ZNF407: variants seen among roughly 807,000 people sequenced by gnomAD.
The protein encoded by ZNF407 is zinc finger protein 407.
Under a neutral mutation model 131.2 loss-of-function variants are expected in ZNF407, and 17 were observed. The observed-to-expected ratio is 0.13, with a 90% CI of 0.09 to 0.19. ZNF407 has a LOEUF of 0.19. Ranked by LOEUF, ZNF407 falls within the 10% of genes least tolerant of loss-of-function variation. The pLI is 1.00. For synonymous variants in ZNF407, 1,156 were observed against 1,062.0 expected (o/e 1.09, Z -1.72); for missense variants, 2,681 against 2,830.6 (o/e 0.95, Z 1.20).
At chr18:74,969,549 C>T (rs766885245) in intron 8 of ZNF407, among the ~76,000 whole-genome samples, 20 of 152,162 alleles carry the variant, frequency 1.3e-4, no homozygotes, top group Non-Finnish European at 2.5e-4. Context: ...GTGAACTCTG[C>T]TGTGGCTGCC....
In ZNF407 at chr18:74,842,049, A is replaced by G. The variant is rs572439436; in HGVS notation, c.4878-35148A>G. On this transcript the variant is annotated intron_variant, in intron 4 of 8. Coordinates refer to ENST00000299687, the MANE Select transcript of ZNF407 (RefSeq NM_017757.3). ...TTAGATTAAGATAGCTTAGTCTTAC[A>G]TGATTTAGATTTCTTTGGTCTTTGT... Among the ~76,000 whole-genome samples the G allele has an allele frequency of 1.1e-3, 169 of 152,340 alleles. 1 individual carries two copies. Among genetic ancestry groups the G allele is most frequent in the African/African-American group, 3.9e-3 (163 of 41,574 alleles).
rs1437287345 is a variant in ZNF407, at chr18:75,063,796, G to A, written c.6075G>A (p.Gly2025=). 1.2e-6 allele frequency: 2 copies of A among 1,608,978 alleles called. No homozygotes were observed. The highest frequency in any genetic ancestry group is 1.7e-5 in the Admixed American group (1 of 59,988). ...AAGACGTGCTGATCCAGCTGCCCGGGCAGGAGGTCTCCCATGTGGCTGCCG... is the reference window on the plus strand; with the variant it reads ...AAGACGTGCTGATCCAGCTGCCCGGACAGGAGGTCTCCCATGTGGCTGCCG... ...GAKDVLIQLP[G]QEVSHVAADP... is the part of the protein sequence containing the mutation. The change falls in exon 9 of 9, where the codon GGG becomes GGA. Residue 2025 remains glycine (G), a synonymous_variant. Transcript: ENST00000299687. The surrounding 1 kb of genome is among the most constrained non-coding windows in gnomAD (Gnocchi z 6.6).
chr18:74,788,812 TA>T (rs1969770763), intron 4 of ZNF407, among the ~76,000 whole-genome samples: 1 of 149,326 alleles, frequency 6.7e-6, no homozygotes. Context: ...AAAATAAATA[TA>T]AAATATCAAT....
At chr18:74,914,843 T>G (rs926182328) in intron 7 of ZNF407, among the ~76,000 whole-genome samples, 1 of 152,142 alleles carries the variant, frequency 6.6e-6, no homozygotes, top group Non-Finnish European at 1.5e-5. Context: ...AAGGTGACAG[T>G]TCTTAGTGAA....
chr18:74,841,368 G>A (rs887074274), intron 4 of ZNF407, among the ~76,000 whole-genome samples: 26 of 152,024 alleles, frequency 1.7e-4, no homozygotes, highest in African/African-American at 5.6e-4. Flanking sequence ...TCACCCTCAC[G>A]GCTGATCATT....
intron 3 of ZNF407, among the ~76,000 whole-genome samples, chr18:74,691,060 C>T (rs1225401302): frequency 6.6e-6 from 1 of 152,124 alleles, no homozygotes; most frequent in African/African-American, 2.4e-5. Flanking sequence ...GGGTGGATCA[C>T]CTGAGGTCAG....
At chr18:74,896,462 C>T (rs1244477891) in intron 7 of ZNF407, among the ~76,000 whole-genome samples, 1 of 152,128 alleles carries the variant, frequency 6.6e-6, no homozygotes, top group Non-Finnish European at 1.5e-5. Flanking sequence ...AATAATGATT[C>T]CAAGGCCTTC....
rs144608184 is a variant in ZNF407 at position 74,952,441 on chromosome 18, C to T, written c.5428+31749C>T. ...CACCTGTTTACTGCCAAATACTTGT[C>T]GAGCGCTTTCTGGGTAGCAGCCACT... On this transcript the variant is annotated intron_variant, in intron 8 of 8. Transcript: ENST00000299687. 3.0e-3 allele frequency among the ~76,000 whole-genome samples: 455 copies of T among 152,288 alleles called. 2 individuals are homozygous for T. Among genetic ancestry groups the T allele is most frequent in the Non-Finnish European group, 5.0e-3 (337 of 68,034 alleles).
At chr18:74,770,612 A>G (rs980899142) in intron 3 of ZNF407, among the ~76,000 whole-genome samples, 4 of 152,204 alleles carry the variant, frequency 2.6e-5, no homozygotes, top group African/African-American at 7.2e-5. Context: ...TTCTTAGAAT[A>G]GTTAAATCTT....
At chr18:74,713,459 TTAAA>T (rs1967818213) in intron 3 of ZNF407, among the ~76,000 whole-genome samples, 1 of 151,548 alleles carries the variant, frequency 6.6e-6, no homozygotes, top group South Asian at 2.1e-4. Flanking sequence ...TTTTAAATCA[TTAAA>T]TAACAGAGAT....
At chr18:74,906,120 T>A (rs559699553) in intron 7 of ZNF407, among the ~76,000 whole-genome samples, 7 of 152,342 alleles carry the variant, frequency 4.6e-5, no homozygotes, top group South Asian at 4.1e-4. Context: ...CCCGTTTTCC[T>A]GCAGTACCCC....
chr18:75,064,028 A>T lies in ZNF407; in HGVS notation c.6307A>T (p.Thr2103Ser). The change falls in exon 9 of 9, where the codon ACC (threonine) becomes TCC (serine). Residue 2103 changes from threonine (T) to serine (S), a missense_variant. Physicochemically the swap from Thr to Ser is moderately conservative, Grantham distance 58. Coordinates refer to ENST00000299687, the MANE Select transcript of ZNF407 (RefSeq NM_017757.3). ...CGGCCAGTTGGTCAAGGACGGTGTC[A>T]CCCAGGTGGTGGTGAGCGAAGAGGG... ...AAGQLVKDGVTQVVVSEEGAV... is the reference protein window; with the variant it reads ...AAGQLVKDGVSQVVVSEEGAV... The T allele has an allele frequency of 6.2e-7, 1 of 1,604,422 alleles. No homozygotes were observed. Among genetic ancestry groups the T allele is most frequent in the Non-Finnish European group, 8.5e-7 (1 of 1,175,924 alleles).
chr18:74,690,829 C>T (rs1243177585), intron 3 of ZNF407, among the ~76,000 whole-genome samples: 2 of 152,172 alleles, frequency 1.3e-5, no homozygotes, highest in Non-Finnish European at 2.9e-5. Context: ...CTCTTGGTTT[C>T]AGTTAGAGCT....
intron 4 of ZNF407, among the ~76,000 whole-genome samples, chr18:74,836,979 A>G (rs899276654): frequency 2.0e-5 from 3 of 152,150 alleles, no homozygotes; most frequent in African/African-American, 7.2e-5. Flanking sequence ...TCAAGTGGAA[A>G]TGTGCTACTG....
At chr18:74,872,705 G>A (rs1599211769) in intron 4 of ZNF407, among the ~76,000 whole-genome samples, 2 of 148,222 alleles carry the variant, frequency 1.3e-5, no homozygotes, top group Non-Finnish European at 3.0e-5. Context: ...GCAGTGAGCT[G>A]AGATCGGGCC....
chr18:74,669,895 C>T (rs1336007171), intron 3 of ZNF407, among the ~76,000 whole-genome samples: 1 of 152,188 alleles, frequency 6.6e-6, no homozygotes, highest in African/African-American at 2.4e-5. Flanking sequence ...GGCTCAAACA[C>T]AGTTTTTAGA....
In ZNF407 at chr18:75,063,169, CG is replaced by C; in HGVS notation, c.5449del (p.Glu1817SerfsTer4). ...CCTTAGGCATTGTTTCCAAGTCGTA[CG>C]AGTGCCGTCTAAAGGGACAAGGAGC... ...LHAGIVSKSY[E>X]CRLKGQGATF... On this transcript the variant is annotated frameshift_variant, in exon 9 of 9. Transcript: ENST00000299687. LOFTEE classifies it low-confidence loss of function (END_TRUNC). The surrounding 1 kb of genome is among the most constrained non-coding windows in gnomAD (Gnocchi z 6.6). 6.3e-7 allele frequency: 1 copy of C among 1,589,716 alleles called. No homozygotes were observed. The highest frequency in any genetic ancestry group is 8.6e-7 in the Non-Finnish European group (1 of 1,167,630).
chr18:75,049,408 C>G (rs1160301320), intron 8 of ZNF407, among the ~76,000 whole-genome samples: 1 of 152,114 alleles, frequency 6.6e-6, no homozygotes, highest in Non-Finnish European at 1.5e-5. Context: ...ATGTGGGTCA[C>G]CGGCACTGTC....
chr18:74,860,511 TTA>T (rs1491536109), intron 4 of ZNF407, among the ~76,000 whole-genome samples: 1 of 150,206 alleles, frequency 6.7e-6, no homozygotes, highest in African/African-American at 2.4e-5. Context: ...ATTATTATTA[TTA>T]TGTCTTAGAC....
Sources: allele counts gnomAD v4.1 joint callset (sites outside exome capture counted in the v4.1 genomes callset), GRCh38; gene constraint gnomAD v4.1.1; non-coding constraint Gnocchi (gnomAD v3.1); transcripts MANE v1.5; gene names NCBI Gene and HGNC (gene_info 2026-07-23, HGNC 2026-07-21).